Variants in TLL2 observed in about 807,000 individuals in gnomAD.
TLL2 encodes the protein tolloid-like protein 2.
A neutral mutation model predicts 123.0 loss-of-function variants in TLL2; 106 were observed. The ratio of observed to expected loss-of-function variants is 0.86; its 90% CI spans 0.74 to 1.01. The LOEUF (loss-of-function observed/expected upper bound fraction) is 1.01, where lower values mean the gene tolerates loss of function less well. Ranked by LOEUF, TLL2 falls within the 50% of genes least tolerant of loss-of-function variation. The pLI is 0.00. For synonymous variants in TLL2, 494 were observed against 516.8 expected, an observed-to-expected ratio of 0.96 and a Z score of 0.60; for missense variants, 1,332 against 1,336.7, an observed-to-expected ratio of 1.00 and a Z score of 0.06.
At chr10:96,385,973 T>A in intron 15 of TLL2, 82 bp downstream of exon 15, 1 of 1,365,760 alleles carries the variant, frequency 7.3e-7, no homozygotes, top group Non-Finnish European at 9.7e-7. Context: ...GCCATCTCCC[T>A]GCCCTCCCAG....
At chr10:96,402,374 C>CA (rs1846405035) in intron 10 of TLL2, among the ~76,000 whole-genome samples, 1 of 152,188 alleles carries the variant, frequency 6.6e-6, no homozygotes, top group Admixed American at 6.5e-5. Flanking sequence ...TTCTCTGACC[C>CA]AATTTGTGGG....
At chr10:96,469,849 T>C (rs1463546926) in intron 2 of TLL2, among the ~76,000 whole-genome samples, 1 of 152,196 alleles carries the variant, frequency 6.6e-6, no homozygotes, top group Non-Finnish European at 1.5e-5. Context: ...ATTCTAATCA[T>C]GAATTTGGCA....
At chr10:96,468,176 T>C (rs1057459203) in intron 2 of TLL2, among the ~76,000 whole-genome samples, 1 of 152,186 alleles carries the variant, frequency 6.6e-6, no homozygotes. Context: ...GCTCCCATTA[T>C]TACTTCATTT....
intron 1 of TLL2, among the ~76,000 whole-genome samples, chr10:96,507,684 C>T (rs1406563044): frequency 6.6e-6 from 1 of 151,904 alleles, no homozygotes; most frequent in Non-Finnish European, 1.5e-5. Flanking sequence ...CTTTTTTTCC[C>T]TGAGGCTCAG....
At chr10:96,378,161 A>G (rs1846154387) in intron 17 of TLL2, among the ~76,000 whole-genome samples, 1 of 152,268 alleles carries the variant, frequency 6.6e-6, no homozygotes, top group Non-Finnish European at 1.5e-5. Flanking sequence ...GATCCTGACC[A>G]GACTCTGCGG....
chr10:96,480,597 C>A lies in TLL2; in HGVS notation c.176-138G>T. On this transcript the variant is annotated intron_variant, in intron 1 of 20. Transcript: ENST00000357947. ...CCATCCAGTAAAATTTCTCCTTGAG[C>A]CTAAGAGATAGGGCTGGTGGAGGCA... 2.9e-6 allele frequency: 2 copies of A among 689,236 alleles called. No individual in the cohort carries two copies. The highest frequency in any genetic ancestry group is 5.2e-6 in the Non-Finnish European group (2 of 387,166). 42.7% of individuals were successfully genotyped at this position (689,236 alleles called of 1,614,324 possible). A position where few individuals can be genotyped will look rare whatever the true frequency, so the allele number is the denominator to read the frequency against.
chr10:96,431,482 C>T (rs761710460), intron 4 of TLL2, among the ~76,000 whole-genome samples: 2 of 152,108 alleles, frequency 1.3e-5, no homozygotes, highest in Non-Finnish European at 2.9e-5. Context: ...CACAGAGCCA[C>T]AGGGAGGGGA....
chr10:96,418,501 G>T (rs913993586), intron 7 of TLL2, among the ~76,000 whole-genome samples: 3 of 152,128 alleles, frequency 2.0e-5, no homozygotes, highest in East Asian at 3.8e-4. Context: ...CCCCAACATT[G>T]CAGGTCCTCC....
intron 2 of TLL2, among the ~76,000 whole-genome samples, chr10:96,474,282 A>G (rs1847215429): frequency 6.6e-6 from 1 of 152,184 alleles, no homozygotes; most frequent in African/African-American, 2.4e-5. Flanking sequence ...GGCCCATCGG[A>G]GAATGGGGGA....
intron 7 of TLL2, among the ~76,000 whole-genome samples, chr10:96,420,740 T>C (rs1395348188): frequency 6.6e-6 from 1 of 152,202 alleles, no homozygotes; most frequent in African/African-American, 2.4e-5. Context: ...TAGGGCATGA[T>C]GGAATGCTAG....
intron 16 of TLL2, among the ~76,000 whole-genome samples, chr10:96,380,640 C>T (rs1199829586): frequency 2.3e-5 from 3 of 130,362 alleles, no homozygotes; most frequent in East Asian, 4.6e-4. Context: ...TTGCAGTGAG[C>T]GGAGATTGCA....
At chr10:96,429,627 G>T (rs775137088) in intron 4 of TLL2, among the ~76,000 whole-genome samples, 1 of 152,174 alleles carries the variant, frequency 6.6e-6, no homozygotes, top group African/African-American at 2.4e-5. Flanking sequence ...TTTGAAGTAG[G>T]GGGGAGTCAA....
chr10:96,382,421 G>A (rs1484658694), intron 16 of TLL2, among the ~76,000 whole-genome samples: 4 of 137,194 alleles, frequency 2.9e-5, no homozygotes, highest in African/African-American at 9.9e-5. Flanking sequence ...CAGGCCCATG[G>A]AGCTGGCCCC....
At chr10:96,509,297 A>G (rs1847604711) in intron 1 of TLL2, among the ~76,000 whole-genome samples, 1 of 152,202 alleles carries the variant, frequency 6.6e-6, no homozygotes, top group Non-Finnish European at 1.5e-5. Flanking sequence ...AATCATGAAC[A>G]TAATAAAACA....
intron 2 of TLL2, among the ~76,000 whole-genome samples, chr10:96,468,421 G>A (rs563362654): frequency 2.0e-5 from 3 of 152,298 alleles, no homozygotes; most frequent in South Asian, 2.1e-4. Context: ...GAGGTACTTC[G>A]TGGCCCCTGA....
chr10:96,494,626 A>G (rs1847452849), intron 1 of TLL2, among the ~76,000 whole-genome samples: 1 of 152,238 alleles, frequency 6.6e-6, no homozygotes, highest in Non-Finnish European at 1.5e-5. Context: ...CGTGGACCTA[A>G]TCACAAATAT....
intron 10 of TLL2, among the ~76,000 whole-genome samples, chr10:96,400,357 C>CAAAAAA (rs55975748): frequency 1.5e-4 from 17 of 109,874 alleles, no homozygotes; most frequent in African/African-American, 3.1e-4. Flanking sequence ...CTACTACCAT[C>CAAAAAA]AAAAAAAAAA....
In TLL2 at chr10:96,432,861, C is replaced by CT. The variant is rs1846758789; in HGVS notation, c.465dup (p.Glu156ArgfsTer26). 6.2e-7 allele frequency: 1 copy of CT among 1,614,176 alleles called. No homozygotes were observed. The highest frequency in any genetic ancestry group is 1.3e-5 in the African/African-American group (1 of 75,042). ...ATGACTCCTCCAGGCCATATCCTCT[C>CT]TGTCCTTGAGGTTGTGGCTCTTCGG... On this transcript the variant is annotated frameshift_variant, in exon 4 of 21. Coordinates refer to ENST00000357947, the MANE Select transcript of TLL2 (RefSeq NM_012465.4). LOFTEE classifies it high-confidence loss of function.
chr10:96,379,074 T>G lies in TLL2; in HGVS notation c.2213A>C (p.Lys738Thr), dbSNP rs1181411951. The G allele has an allele frequency of 2.5e-6, 4 of 1,614,124 alleles. No individual in the cohort carries two copies. Among genetic ancestry groups the G allele is most frequent in the Non-Finnish European group, 2.5e-6 (3 of 1,179,976 alleles). Residue 738 changes from lysine to threonine, a missense_variant, in exon 17 of 21, where the codon AAG becomes ACG. Lys to Thr is a moderately conservative substitution (Grantham distance 78). Transcript: ENST00000357947. ...CTCATGCTGACACCCGCCGTTGTCC[T>G]TGGCACACTCGTCCTTATCTGGGGA... Reference protein sequence around the residue: ...HFFSDKDECAKDNGGCQHECV... With the variant: ...HFFSDKDECATDNGGCQHECV...
Sources: gnomAD v4.1 joint callset for allele counts (sites outside exome capture counted in the v4.1 genomes callset) on GRCh38, gnomAD v4.1.1 for gene constraint, MANE v1.5 for transcripts, NCBI Gene and HGNC (gene_info 2026-07-23, HGNC 2026-07-21) for gene names.